PDLIM1: variants seen among roughly 807,000 people sequenced by gnomAD.
PDLIM1 encodes the protein PDZ and LIM domain 1.
PDLIM1 carries 25 observed loss-of-function variants against 35.2 expected under a neutral mutation model. The observed-to-expected ratio is 0.71, with a 90% confidence interval of 0.52 to 0.99. PDLIM1 has a LOEUF of 0.99. Among genes scored for constraint, PDLIM1 ranks in the 50% least tolerant of loss-of-function variants. PDLIM1 has a pLI of 0.00. For missense variants in PDLIM1, 363 were observed against 415.3 expected (o/e 0.87, Z 1.09); for synonymous variants, 152 against 154.0 (o/e 0.99, Z 0.10).
intron 1 of PDLIM1, among the ~76,000 whole-genome samples, chr10:95,280,933 T>C (rs2035556070): frequency 6.6e-6 from 1 of 152,112 alleles, no homozygotes; most frequent in South Asian, 2.1e-4. Flanking sequence ...GGGCAGGGAT[T>C]CAAAATATAG....
Position 95,237,999 on chromosome 10 carries a change from A to G in PDLIM1, c.916T>C (p.Tyr306His). The G allele has an allele frequency of 6.2e-7, 1 of 1,614,162 alleles. No homozygotes were observed. The highest frequency in any genetic ancestry group is 8.5e-7 in the Non-Finnish European group (1 of 1,180,010). ...KGHFFVEDQI[Y>H]CEKHARERVT... The stretch of plus-strand genomic sequence containing the variant: ...CGCTCCCGGGCATGCTTCTCACAGT[A>G]GATTTGATCCTCCACAAAGAAATGG... The change falls in exon 7 of 7, where the codon TAC (tyrosine) becomes CAC (histidine). Residue 306 changes from tyrosine (Y) to histidine (H), a missense_variant. By Grantham distance (83) the Tyr-to-His change is moderately conservative (BLOSUM62 2). Transcript: ENST00000329399.
In PDLIM1 at chr10:95,241,509, C is replaced by T. The variant is rs76168236; in HGVS notation, c.686-2824G>A. 5.1e-3 allele frequency among the ~76,000 whole-genome samples: 777 copies of T among 152,244 alleles called. 8 individuals carry two copies. The highest frequency in any genetic ancestry group is 0.017 in the African/African-American group (721 of 41,528). ...TCGATTGTCACAGTGAAAGGGGATG[C>T]CACTGGCGTCTAGTGGGCAGAGGTC... On this transcript the variant is annotated intron_variant, in intron 5 of 6. Coordinates refer to ENST00000329399, the MANE Select transcript of PDLIM1 (RefSeq NM_020992.4).
In PDLIM1 at chr10:95,237,586, A is replaced by C. The variant is rs1480728013; in HGVS notation, c.*339T>G. The C allele has an allele frequency of 7.4e-6, 2 of 269,098 alleles. No individual in the cohort carries two copies. Among genetic ancestry groups the C allele is most frequent in the Admixed American group, 9.8e-5 (2 of 20,432 alleles). The allele number at this position is 269,098 out of a possible 1,614,324, so 16.7% of individuals were successfully genotyped here. On this transcript the variant is annotated 3_prime_UTR_variant, in exon 7 of 7. Coordinates refer to ENST00000329399, the MANE Select transcript of PDLIM1 (RefSeq NM_020992.4). ...CACCACACTGCTTTGTAGTCTATAC[A>C]TTTATTGAGTAAAAACAAAATCAGT...
intron 1 of PDLIM1, among the ~76,000 whole-genome samples, chr10:95,288,448 G>A (rs1024335854): frequency 6.6e-6 from 1 of 152,156 alleles, no homozygotes; most frequent in Non-Finnish European, 1.5e-5. Context: ...CAGAAAGTGT[G>A]TACAGCTCTT....
chr10:95,243,613 T>G (rs553692690), intron 5 of PDLIM1, among the ~76,000 whole-genome samples: 16 of 152,310 alleles, frequency 1.1e-4, no homozygotes, highest in African/African-American at 3.8e-4. Context: ...CTTGCTGAAC[T>G]AGTCTCCAGT....
intron 5 of PDLIM1, among the ~76,000 whole-genome samples, chr10:95,245,175 G>A (rs1201330734): frequency 6.6e-6 from 1 of 152,162 alleles, no homozygotes; most frequent in African/African-American, 2.4e-5. Flanking sequence ...CGTTTAACTA[G>A]GTGTAGCCAG....
chr10:95,249,302 G>A (rs2035248324), intron 4 of PDLIM1, among the ~76,000 whole-genome samples: 1 of 152,246 alleles, frequency 6.6e-6, no homozygotes, highest in Admixed American at 6.5e-5. Context: ...CCTGGCCCCA[G>A]ATCACCACCT....
In PDLIM1 at chr10:95,254,906, C is replaced by CTAAG. The variant is rs575291046; in HGVS notation, c.534-7544_534-7541dup. Among the ~76,000 whole-genome samples the CTAAG allele has an allele frequency of 1.7e-3, 254 of 151,722 alleles. 2 individuals carry two copies. Among genetic ancestry groups the CTAAG allele is most frequent in the Middle Eastern group, 6.8e-3 (2 of 294 alleles). The stretch of plus-strand genomic sequence containing the variant: ...CCTGGGCAAGAGAGAGAGACTGCCT[C>CTAAG]TAAGTAAGTAAGTAAGTAAGTAAAT... On this transcript the variant is annotated intron_variant, in intron 4 of 6. Transcript: ENST00000329399.
At chr10:95,252,006 G>T (rs1313543578) in intron 4 of PDLIM1, among the ~76,000 whole-genome samples, 1 of 152,104 alleles carries the variant, frequency 6.6e-6, no homozygotes, top group East Asian at 1.9e-4. Flanking sequence ...AACCAGAAAG[G>T]GGCAGCCCAG....
At chr10:95,264,237 T>G (rs1206190737) in intron 3 of PDLIM1, among the ~76,000 whole-genome samples, 174 bp from the exon 4 acceptor site, 1 of 152,060 alleles carries the variant, frequency 6.6e-6, no homozygotes, top group Non-Finnish European at 1.5e-5. Flanking sequence ...GGGCAATGAC[T>G]GGGGAAGTTT....
chr10:95,258,488 C>T lies in PDLIM1; in HGVS notation c.533+5376G>A, dbSNP rs529206482. Among the ~76,000 whole-genome samples, 11 of 151,614 alleles carry T rather than the reference C, an allele frequency of 7.3e-5. No homozygotes were observed. The East Asian group carries it at 7.8e-4, about 11-fold the overall frequency. Reference sequence around the variant, plus strand: ...CTGCACTCCAGCCTGGGGGACAGAGCGAGACTCTGTCTCAAAAAAAAGAAA... The same window carrying T: ...CTGCACTCCAGCCTGGGGGACAGAGTGAGACTCTGTCTCAAAAAAAAGAAA... On this transcript the variant is annotated intron_variant, in intron 4 of 6. Transcript: ENST00000329399.
At chr10:95,251,444 C>T (rs589704) in intron 4 of PDLIM1, among the ~76,000 whole-genome samples, 282 of 152,136 alleles carry the variant, frequency 1.9e-3, no homozygotes, top group African/African-American at 6.5e-3. Context: ...GGTGCTGCAG[C>T]GTGTGCCTGT....
intron 1 of PDLIM1, among the ~76,000 whole-genome samples, chr10:95,283,902 T>C (rs1464470484): frequency 6.6e-6 from 1 of 152,224 alleles, no homozygotes; most frequent in East Asian, 1.9e-4. Flanking sequence ...CTGCTAACAC[T>C]GTAGATTAAT....
At chr10:95,280,945 T>C (rs957415632) in intron 1 of PDLIM1, among the ~76,000 whole-genome samples, 1 of 152,120 alleles carries the variant, frequency 6.6e-6, no homozygotes, top group African/African-American at 2.4e-5. Context: ...AAAATATAGA[T>C]AGAGCTCCAC....
intron 1 of PDLIM1, among the ~76,000 whole-genome samples, chr10:95,289,996 T>A (rs189425124): frequency 8.5e-4 from 130 of 152,274 alleles, no homozygotes; most frequent in African/African-American, 3.1e-3. Flanking sequence ...GGGGTTTCAC[T>A]TTATTAGGGG....
At chr10:95,251,184 A>G (rs901005134) in intron 4 of PDLIM1, among the ~76,000 whole-genome samples, 3 of 151,808 alleles carry the variant, frequency 2.0e-5, no homozygotes, top group Non-Finnish European at 2.9e-5. Flanking sequence ...CCTGGGATGA[A>G]AGTCTACTCC....
chr10:95,262,564 G>A (rs928778172), intron 4 of PDLIM1, among the ~76,000 whole-genome samples: 10 of 152,156 alleles, frequency 6.6e-5, no homozygotes, highest in African/African-American at 9.7e-5. Context: ...CGTCCCCTCC[G>A]GACCAGGAAT....
intron 6 of PDLIM1, 76 bp downstream of exon 6, chr10:95,238,492 C>T: frequency 1.1e-6 from 1 of 933,758 alleles, no homozygotes; most frequent in Non-Finnish European, 1.8e-6. Context: ...AAATGTGCAA[C>T]ATCCAGCACT....
chr10:95,287,338 G>A (rs931342374), intron 1 of PDLIM1, among the ~76,000 whole-genome samples: 6 of 152,026 alleles, frequency 3.9e-5, no homozygotes, highest in Admixed American at 6.5e-5. Flanking sequence ...ATCTGAATCC[G>A]GAAATACCAC....
Sources: gnomAD v4.1 joint callset for allele counts (sites outside exome capture counted in the v4.1 genomes callset) on GRCh38, gnomAD v4.1.1 for gene constraint, MANE v1.5 for transcripts, NCBI Gene and HGNC (gene_info 2026-07-23, HGNC 2026-07-21) for gene names.